Variants in FGF12 observed in about 807,000 individuals in gnomAD.
The protein encoded by FGF12 is fibroblast growth factor 12, also known as fibroblast growth factor 12B.
In FGF12, 14 loss-of-function variants were observed where a neutral mutation model predicts 23.6. That is an observed-to-expected ratio of 0.59 (90% CI 0.39 to 0.93). FGF12 has a LOEUF of 0.93. Among genes scored for constraint, FGF12 ranks in the 40% least tolerant of loss-of-function variants. FGF12 has a pLI of 0.00. For synonymous variants in FGF12, 62 were observed against 77.3 expected (o/e 0.80, Z 1.04); for missense variants, 175 against 217.8 (o/e 0.80, Z 1.24).
At chr3:192,300,743 C>T (rs909778657) in intron 4 of FGF12, among the ~76,000 whole-genome samples, 8 of 152,212 alleles carry the variant, frequency 5.3e-5, no homozygotes, top group East Asian at 1.9e-4. Flanking sequence ...GCTCACCTGG[C>T]GCAGTGGCTC....
intron 5 of FGF12, among the ~76,000 whole-genome samples, chr3:192,157,739 G>C (rs1056230981): frequency 1.3e-5 from 2 of 152,064 alleles, no homozygotes; most frequent in African/African-American, 4.8e-5. Flanking sequence ...TAAAATCTTG[G>C]GCATTGCTGT....
intron 3 of FGF12, among the ~76,000 whole-genome samples, chr3:192,340,134 C>T (rs956334408): frequency 6.6e-6 from 1 of 151,844 alleles, no homozygotes; most frequent in African/African-American, 2.4e-5. Flanking sequence ...AACTTAGCTC[C>T]CTCTGCTTGG....
Position 192,314,287 on chromosome 3 carries a change from TA to T in FGF12, c.228+21073del, listed in dbSNP as rs144147712. ...ATTGCTTAAAATTAAAAATTAAAAT[TA>T]AAAAAAAAACAAAATAAAAGCTAAA... On this transcript the variant is annotated intron_variant, in intron 4 of 5. Coordinates refer to ENST00000445105, the MANE Select transcript of FGF12 (RefSeq NM_004113.6). 3.3e-4 allele frequency among the ~76,000 whole-genome samples: 46 copies of T among 139,594 alleles called. No individual in the cohort carries two copies. In the South Asian group the frequency reaches 5.1e-3, roughly 16 times the overall value. The allele number at this position is 139,594 out of a possible 152,430, so 91.6% of individuals were successfully genotyped here.
At chr3:192,156,002 C>G (rs1221536157) in intron 5 of FGF12, among the ~76,000 whole-genome samples, 1 of 152,098 alleles carries the variant, frequency 6.6e-6, no homozygotes, top group Non-Finnish European at 1.5e-5. Flanking sequence ...TGTTATAATG[C>G]GCAATATTAT....
intron 4 of FGF12, among the ~76,000 whole-genome samples, chr3:192,296,850 C>G (rs936792522): frequency 1.3e-5 from 2 of 152,148 alleles, no homozygotes; most frequent in Non-Finnish European, 1.5e-5. Context: ...TTAGTTTATA[C>G]AGCCTAACTC....
intron 2 of FGF12, among the ~76,000 whole-genome samples, chr3:192,612,850 C>T (rs897014835): frequency 1.3e-5 from 2 of 151,870 alleles, no homozygotes; most frequent in South Asian, 4.1e-4. Flanking sequence ...ACCCCCTGTT[C>T]CAAGAAACAT....
In FGF12 at chr3:192,668,175, G is replaced by GA. The variant is rs201047243; in HGVS notation, c.13+59005dup. On this transcript the variant is annotated intron_variant, in intron 2 of 5. Coordinates refer to ENST00000445105, the MANE Select transcript of FGF12 (RefSeq NM_004113.6). ...AATTCCATCTTCCACTCTGAACTCC[G>GA]AAAAAAAAAACGGTAGAATAAGTAA... Among the ~76,000 whole-genome samples, 167 of 141,900 alleles carry GA rather than the reference G, an allele frequency of 1.2e-3. 1 individual carries two copies. The highest frequency in any genetic ancestry group is 5.8e-3 in the South Asian group (26 of 4,476). The allele number at this position is 141,900 out of a possible 152,430, so 93.1% of individuals were successfully genotyped here.
At position 192,578,780 on chromosome 3, in the gene FGF12, T is replaced by C. The variant is rs918035012; in HGVS notation, c.13+148401A>G. 7.2e-5 allele frequency among the ~76,000 whole-genome samples: 11 copies of C among 152,318 alleles called. No individual in the cohort carries two copies. The East Asian group carries it at 2.1e-3, about 29-fold the overall frequency. The stretch of plus-strand genomic sequence containing the variant: ...TGAGAAAATAAGAACTGGGTCACCA[T>C]ATGTAAAATGATTTGCGGATTTGAT... On this transcript the variant is annotated intron_variant, in intron 2 of 5. Coordinates refer to ENST00000445105, the MANE Select transcript of FGF12 (RefSeq NM_004113.6).
chr3:192,202,510 G>GT, intron 4 of FGF12, among the ~76,000 whole-genome samples: 1 of 152,134 alleles, frequency 6.6e-6, no homozygotes, highest in South Asian at 2.1e-4. Context: ...AGCACTTTCT[G>GT]TTTTCATACA....
intron 4 of FGF12, among the ~76,000 whole-genome samples, chr3:192,237,083 C>T (rs766176446): frequency 6.6e-6 from 1 of 152,044 alleles, no homozygotes; most frequent in Non-Finnish European, 1.5e-5. Flanking sequence ...ATTTCTCCTC[C>T]ATTTAAGAAG....
intron 2 of FGF12, among the ~76,000 whole-genome samples, chr3:192,534,829 C>T (rs375589354): frequency 1.3e-5 from 2 of 152,032 alleles, no homozygotes; most frequent in Admixed American, 6.6e-5. Context: ...GATTTTAGAA[C>T]TATTTAATAA....
intron 4 of FGF12, among the ~76,000 whole-genome samples, chr3:192,215,044 G>C (rs1160197783): frequency 1.3e-5 from 2 of 152,150 alleles, no homozygotes; most frequent in African/African-American, 2.4e-5. Flanking sequence ...AGGTATAGGG[G>C]CCAATCCTCT....
At chr3:192,267,403 T>C (rs1713149325) in intron 4 of FGF12, among the ~76,000 whole-genome samples, 1 of 152,192 alleles carries the variant, frequency 6.6e-6, no homozygotes, top group Admixed American at 6.6e-5. Flanking sequence ...AGATTAAAGG[T>C]ATTTAAATAC....
At chr3:192,368,350 A>G (rs1199339820) in intron 2 of FGF12, among the ~76,000 whole-genome samples, 1 of 152,242 alleles carries the variant, frequency 6.6e-6, no homozygotes, top group Non-Finnish European at 1.5e-5. Context: ...ACAATAAAGT[A>G]TATAATAAAA....
rs78488208 is a variant in FGF12, at chr3:192,372,829, C to T, written c.14-12291G>A. Among the ~76,000 whole-genome samples the T allele has an allele frequency of 6.7e-3, 1,024 of 152,232 alleles. 10 individuals are homozygous for T. The highest frequency in any genetic ancestry group is 0.024 in the African/African-American group (979 of 41,524). Reference sequence around the variant, plus strand: ...GAAAACGTCAGACCCTTAGCATGGCCGGGAGAGCTTTGCACCATCTGGCTC... The same window carrying T: ...GAAAACGTCAGACCCTTAGCATGGCTGGGAGAGCTTTGCACCATCTGGCTC... On this transcript the variant is annotated intron_variant, in intron 2 of 5. Transcript: ENST00000445105.
intron 4 of FGF12, among the ~76,000 whole-genome samples, chr3:192,176,721 A>C (rs1189742560): frequency 6.6e-6 from 1 of 152,246 alleles, no homozygotes; most frequent in Non-Finnish European, 1.5e-5. Context: ...CCTTCTTTCA[A>C]TATCAAGTTT....
chr3:192,659,467 C>T (rs577589425), intron 2 of FGF12, among the ~76,000 whole-genome samples: 28 of 152,110 alleles, frequency 1.8e-4, no homozygotes, highest in Non-Finnish European at 3.1e-4. Context: ...GTGTAGCTCC[C>T]TCTCCAACCT....
intron 4 of FGF12, among the ~76,000 whole-genome samples, chr3:192,324,980 C>G (rs73066581): frequency 0.05 from 7,581 of 152,094 alleles, 548 homozygotes; most frequent in African/African-American, 0.16. Context: ...GTTATAAACT[C>G]TTAGAAAAAA....
At chr3:192,460,682 T>TTATATA (rs35031609) in intron 2 of FGF12, among the ~76,000 whole-genome samples, 144 of 142,446 alleles carry the variant, frequency 1.0e-3, no homozygotes, top group Middle Eastern at 7.6e-3. Flanking sequence ...ACACATATAT[T>TTATATA]TATATATATA....
Sources: gnomAD v4.1 joint callset for allele counts (sites outside exome capture counted in the v4.1 genomes callset) on GRCh38, gnomAD v4.1.1 for gene constraint, MANE v1.5 for transcripts, NCBI Gene and HGNC (gene_info 2026-07-23, HGNC 2026-07-21) for gene names.